SAMD12: variants seen among roughly 807,000 people sequenced by gnomAD.
The protein encoded by SAMD12 is sterile alpha motif domain-containing protein 12.
Under a neutral mutation model 15.0 loss-of-function variants are expected in SAMD12, and 9 were observed. The ratio of observed to expected loss-of-function variants is 0.60; its 90% CI spans 0.36 to 1.05. The LOEUF (loss-of-function observed/expected upper bound fraction) is 1.05, where lower values mean the gene tolerates loss of function less well. SAMD12 is among the 50% of genes least tolerant of loss of function. The probability of loss-of-function intolerance (pLI) is 0.01; values close to 1 mark genes in which losing one functional copy is unlikely to be tolerated. For missense variants in SAMD12, 230 were observed against 234.2 expected (o/e 0.98, Z 0.12); for synonymous variants, 86 against 90.1 (o/e 0.96, Z 0.25).
At chr8:118,160,952 C>T in the SAMD12 span, among the ~76,000 whole-genome samples, 1 of 152,070 alleles carries the variant, frequency 6.6e-6, no homozygotes, top group Admixed American at 6.5e-5. Context: ...CCGCACCCCA[C>T]CCCACAACAG....
At chr8:118,480,556 C>G (rs948800195) in intron 2 of SAMD12, among the ~76,000 whole-genome samples, 1 of 152,156 alleles carries the variant, frequency 6.6e-6, no homozygotes. Flanking sequence ...CATTAAGTAA[C>G]CCAATGTGTT....
chr8:118,473,092 G>C (rs1823851607), intron 2 of SAMD12, among the ~76,000 whole-genome samples: 1 of 152,086 alleles, frequency 6.6e-6, no homozygotes, highest in Admixed American at 6.5e-5. Flanking sequence ...TGGGGAGAAG[G>C]GAGAGGCCAA....
At chr8:118,269,247 TGTGTGTGTGTGTG>T (rs1813284870) in intron 4 of SAMD12, among the ~76,000 whole-genome samples, 4 of 151,702 alleles carry the variant, frequency 2.6e-5, no homozygotes, top group African/African-American at 7.3e-5. Context: ...TGTGTGTGTG[TGTGTGTGTGTGTG>T]TAAGCAGGAA....
At chr8:118,494,171 G>A (rs938372388) in intron 2 of SAMD12, among the ~76,000 whole-genome samples, 3 of 152,236 alleles carry the variant, frequency 2.0e-5, no homozygotes, top group East Asian at 1.9e-4. Flanking sequence ...GGAAGGGGCC[G>A]CAAGCCAAAT....
Position 118,517,261 on chromosome 8 carries a change from A to T in SAMD12, c.192+63454T>A, listed in dbSNP as rs564501152. Among the ~76,000 whole-genome samples the T allele has an allele frequency of 1.5e-4, 23 of 152,334 alleles. No homozygotes were observed. The South Asian group carries it at 4.4e-3, about 29-fold the overall frequency. On this transcript the variant is annotated intron_variant, in intron 2 of 3. Transcript: ENST00000314727. ...AAGATAAACTGAAACCATTTTGGGT[A>T]CAGACAGATTACATCAGTGCTCTGG... is the stretch of plus-strand genomic sequence containing the variant.
chr8:118,318,308 GTGTATATATATATATATATATATATA>G (rs1208176774), intron 4 of SAMD12, among the ~76,000 whole-genome samples: 3 of 57,520 alleles, frequency 5.2e-5, no homozygotes, highest in Non-Finnish European at 9.1e-5. Context: ...GGAGATATAT[GTGTATATATATATATATATATATATA>G]TATATATATA....
In SAMD12 at chr8:118,307,300, C is replaced by A. The variant is rs189604262; in HGVS notation, c.433+72260G>T. On this transcript the variant is annotated intron_variant, in intron 4 of 4. Transcript: ENST00000409003. ...CCCAAATGTTGTTGTGTGTGAAAAT[C>A]ATTTGGGGAAATTTGTCTGAAATGA... Among the ~76,000 whole-genome samples, 186 of 152,298 alleles carry A rather than the reference C, an allele frequency of 1.2e-3. 1 individual carries two copies. Among genetic ancestry groups the A allele is most frequent in the African/African-American group, 3.4e-3 (142 of 41,562 alleles).
chr8:118,455,633 C>T (rs1441980958), intron 2 of SAMD12, among the ~76,000 whole-genome samples: 1 of 152,170 alleles, frequency 6.6e-6, no homozygotes, highest in African/African-American at 2.4e-5. Context: ...TTAATTCCCT[C>T]TCCATCTTTA....
intron 3 of SAMD12, among the ~76,000 whole-genome samples, chr8:118,396,931 T>A (rs532019721): frequency 6.6e-6 from 1 of 152,266 alleles, no homozygotes; most frequent in African/African-American, 2.4e-5. Context: ...AAATGAGGTA[T>A]CTGAAGCAAG....
chr8:118,476,401 G>A (rs1009972541), intron 2 of SAMD12, among the ~76,000 whole-genome samples: 5 of 152,186 alleles, frequency 3.3e-5, no homozygotes, highest in Admixed American at 6.5e-5. Context: ...AGGGAAGGAA[G>A]GACAATACAT....
At chr8:118,187,489 G>A (rs188643070), downstream of SAMD12, among the ~76,000 whole-genome samples, 34 of 152,268 alleles carry the variant, frequency 2.2e-4, no homozygotes, top group East Asian at 5.2e-3. Context: ...AAGATAACCA[G>A]CACTGCACTT....
At chr8:118,548,398 C>CACACAA (rs1826195308) in intron 2 of SAMD12, among the ~76,000 whole-genome samples, 1 of 150,100 alleles carries the variant, frequency 6.7e-6, no homozygotes, top group African/African-American at 2.4e-5. Flanking sequence ...CACACACACA[C>CACACAA]ACACACACAC....
At chr8:118,291,866 A>G (rs56015732) in intron 4 of SAMD12, among the ~76,000 whole-genome samples, 2 of 151,336 alleles carry the variant, frequency 1.3e-5, no homozygotes, top group East Asian at 2.1e-4. Context: ...CAGGGCAACA[A>G]GAAGCAGCTG....
the SAMD12 span, among the ~76,000 whole-genome samples, chr8:118,151,053 T>G: frequency 6.9e-6 from 1 of 145,002 alleles, no homozygotes; most frequent in African/African-American, 2.6e-5. Context: ...AATTTTTTTT[T>G]TAATTCTAGT....
At chr8:118,168,440 C>T in the SAMD12 span, among the ~76,000 whole-genome samples, 2 of 152,200 alleles carry the variant, frequency 1.3e-5, no homozygotes, top group Admixed American at 6.5e-5. Context: ...ATTCTGACCA[C>T]GTGTGTAGCA....
At chr8:118,177,946 T>C in the SAMD12 span, among the ~76,000 whole-genome samples, 1 of 152,134 alleles carries the variant, frequency 6.6e-6, no homozygotes, top group Non-Finnish European at 1.5e-5. Context: ...CACACTGCCA[T>C]ACACTTCTCT....
At chr8:118,452,079 C>T (rs772767533) in intron 2 of SAMD12, among the ~76,000 whole-genome samples, 4 of 152,124 alleles carry the variant, frequency 2.6e-5, no homozygotes, top group Admixed American at 6.5e-5. Context: ...AGAGAGCTCG[C>T]TCTCTGTCCA....
At chr8:118,511,678 A>T (rs76494375) in intron 2 of SAMD12, among the ~76,000 whole-genome samples, 3,577 of 152,244 alleles carry the variant, frequency 0.023, 114 homozygotes, top group African/African-American at 0.076. Context: ...ATATTTCTCA[A>T]CACTACGCAA....
At chr8:118,168,562 G>A in the SAMD12 span, among the ~76,000 whole-genome samples, 1 of 152,070 alleles carries the variant, frequency 6.6e-6, no homozygotes, top group Non-Finnish European at 1.5e-5. Flanking sequence ...TTTCTCTTAG[G>A]TTGTCTTCTT....
Sources: allele counts gnomAD v4.1 joint callset (sites outside exome capture counted in the v4.1 genomes callset), GRCh38; gene constraint gnomAD v4.1.1; transcripts MANE v1.5; gene names NCBI Gene and HGNC (gene_info 2026-07-23, HGNC 2026-07-21).